The following AKAP6 variants were observed in gnomAD, a reference collection of about 807,000 sequenced individuals.
AKAP6 encodes the protein A-kinase anchoring protein 6, also known as A-kinase anchor protein 6.
A neutral mutation model predicts 188.5 loss-of-function variants in AKAP6; 58 were observed. The ratio of observed to expected loss-of-function variants is 0.31; its 90% CI spans 0.25 to 0.38. The LOEUF is 0.38. Among genes scored for constraint, AKAP6 ranks in the 10% least tolerant of loss-of-function variants. The probability of loss-of-function intolerance (pLI) is 1.00; values close to 1 mark genes in which losing one functional copy is unlikely to be tolerated. For synonymous variants in AKAP6, 989 were observed against 998.6 expected (o/e 0.99, Z 0.18); for missense variants, 2,710 against 2,740.0 (o/e 0.99, Z 0.24).
chr14:32,514,085 TG>T lies in AKAP6; in HGVS notation c.325-21466del, dbSNP rs377126164. ...AAAAGAATCCTGTGAATAAAATTGTTGGGTCAATGGGAGGTAATGGAGCTTT... is the reference window on the plus strand; with the variant it reads ...AAAAGAATCCTGTGAATAAAATTGTTGGTCAATGGGAGGTAATGGAGCTTT... On this transcript the variant is annotated intron_variant, in intron 2 of 13. Coordinates refer to ENST00000280979, the MANE Select transcript of AKAP6 (RefSeq NM_004274.5). Among the ~76,000 whole-genome samples, 300 of 152,338 alleles carry T rather than the reference TG, an allele frequency of 2.0e-3. 2 individuals carry two copies. Among genetic ancestry groups the T allele is most frequent in the African/African-American group, 6.9e-3 (287 of 41,578 alleles).
chr14:32,786,303 T>TTTTTTTTTTG (rs2033409859), intron 12 of AKAP6, among the ~76,000 whole-genome samples: 1 of 73,764 alleles, frequency 1.4e-5, no homozygotes, highest in Admixed American at 1.7e-4. Context: ...TTTATCTTTT[T>TTTTTTTTTTG]TTTTTTTTTT....
intron 7 of AKAP6, 120 bp from the exon 8 acceptor site, chr14:32,678,191 C>T: frequency 9.7e-7 from 1 of 1,030,586 alleles, no homozygotes; most frequent in Non-Finnish European, 1.4e-6. Flanking sequence ...CCATTAAATC[C>T]AACTCGAAAA....
chr14:32,435,181 C>T (rs1042766313), intron 2 of AKAP6, among the ~76,000 whole-genome samples: 2 of 152,122 alleles, frequency 1.3e-5, no homozygotes, highest in Non-Finnish European at 2.9e-5. Context: ...CCTTCTCTGT[C>T]CCCTCCAAGG....
intron 1 of AKAP6, among the ~76,000 whole-genome samples, chr14:32,412,425 CAT>C (rs1207981439): frequency 2.0e-5 from 3 of 152,166 alleles, no homozygotes; most frequent in African/African-American, 7.2e-5. Context: ...AATTACATGA[CAT>C]GTTTCCATGA....
chr14:32,806,207 A>G (rs992571665), intron 12 of AKAP6, among the ~76,000 whole-genome samples: 2 of 152,218 alleles, frequency 1.3e-5, no homozygotes, highest in East Asian at 1.9e-4. Context: ...TTCACACCCA[A>G]AGAATTTGCA....
At chr14:32,524,902 G>A (rs891740586) in intron 2 of AKAP6, among the ~76,000 whole-genome samples, 3 of 152,142 alleles carry the variant, frequency 2.0e-5, no homozygotes, top group African/African-American at 7.2e-5. Context: ...AGGTTCTTTG[G>A]CCCTAGCTGT....
chr14:32,737,087 C>A (rs1413312364), intron 11 of AKAP6, among the ~76,000 whole-genome samples: 1 of 152,124 alleles, frequency 6.6e-6, no homozygotes, highest in Non-Finnish European at 1.5e-5. Flanking sequence ...CTAACCTCTA[C>A]TGCAGGGAGA....
chr14:32,773,998 C>T (rs752380900), intron 12 of AKAP6, 105 bp downstream of exon 12: 283 of 1,264,656 alleles, frequency 2.2e-4, no homozygotes, highest in Non-Finnish European at 2.9e-4. Context: ...GTTTTACTAA[C>T]TAACTTAAAG....
At chr14:32,682,749 T>G (rs963868161) in intron 8 of AKAP6, among the ~76,000 whole-genome samples, 20 of 152,104 alleles carry the variant, frequency 1.3e-4, no homozygotes, top group Non-Finnish European at 2.9e-4. Flanking sequence ...AAAATTTTGA[T>G]TCAGTAGGCA....
chr14:32,689,834 C>T (rs1036959455), intron 8 of AKAP6, among the ~76,000 whole-genome samples: 9 of 151,918 alleles, frequency 5.9e-5, no homozygotes, highest in Admixed American at 4.6e-4. Flanking sequence ...TGTTACCACT[C>T]CTTTACGTGT....
intron 11 of AKAP6, among the ~76,000 whole-genome samples, chr14:32,771,751 T>A (rs552396183): frequency 1.3e-5 from 2 of 152,248 alleles, no homozygotes; most frequent in African/African-American, 2.4e-5. Flanking sequence ...ACAGTTATTA[T>A]GCTAGTTAAC....
At chr14:32,581,826 T>C (rs1566587557) in intron 5 of AKAP6, among the ~76,000 whole-genome samples, 1 of 152,102 alleles carries the variant, frequency 6.6e-6, no homozygotes, top group Non-Finnish European at 1.5e-5. Context: ...TCCCTGCCTT[T>C]TTTTGTTTTC....
chr14:32,547,238 T>C (rs1883240560), intron 4 of AKAP6, among the ~76,000 whole-genome samples: 2 of 152,352 alleles, frequency 1.3e-5, no homozygotes, highest in South Asian at 4.1e-4. Context: ...ATAGAATTCT[T>C]TGTTGAAATT....
At chr14:32,643,862 G>C (rs1190167064) in intron 7 of AKAP6, among the ~76,000 whole-genome samples, 1 of 152,120 alleles carries the variant, frequency 6.6e-6, no homozygotes, top group African/African-American at 2.4e-5. Context: ...ATCTGAGATA[G>C]AAATTAAAAA....
At chr14:32,677,227 C>T (rs940348439) in intron 7 of AKAP6, among the ~76,000 whole-genome samples, 3 of 152,118 alleles carry the variant, frequency 2.0e-5, no homozygotes, top group African/African-American at 4.8e-5. Context: ...TCTCCGTAGT[C>T]GAGGCTATAA....
At chr14:32,367,149 C>T (rs1887862389) in intron 1 of AKAP6, among the ~76,000 whole-genome samples, 1 of 152,202 alleles carries the variant, frequency 6.6e-6, no homozygotes, top group African/African-American at 2.4e-5. Flanking sequence ...AAGAGTCCCA[C>T]CCACTTCTTC....
intron 7 of AKAP6, 56 bp from the exon 8 acceptor site, chr14:32,678,255 T>C (rs1278125591): frequency 6.4e-7 from 1 of 1,555,786 alleles, no homozygotes; most frequent in Non-Finnish European, 8.8e-7. Context: ...TACACCTCAC[T>C]TGAAATGCAT....
Position 32,444,617 on chromosome 14 carries a change from A to G in AKAP6, c.324+10800A>G, listed in dbSNP as rs192108681. Among the ~76,000 whole-genome samples the G allele has an allele frequency of 3.3e-3, 499 of 152,308 alleles. 3 individuals carry two copies. Among genetic ancestry groups the G allele is most frequent in the African/African-American group, 0.01 (433 of 41,574 alleles). On this transcript the variant is annotated intron_variant, in intron 2 of 13. Transcript: ENST00000280979. Reference sequence around the variant, plus strand: ...TCATTAAATGGAGAAGGAATATGTGAAATTCAATATGGGAAGTGATCTGCT... The same window carrying G: ...TCATTAAATGGAGAAGGAATATGTGGAATTCAATATGGGAAGTGATCTGCT...
At chr14:32,400,047 A>G (rs934060836) in intron 1 of AKAP6, among the ~76,000 whole-genome samples, 15 of 152,058 alleles carry the variant, frequency 9.9e-5, no homozygotes, top group Non-Finnish European at 1.9e-4. Context: ...GACATCTGGG[A>G]ATCCATTTTC....
Sources: gnomAD v4.1 joint callset for allele counts (sites outside exome capture counted in the v4.1 genomes callset) on GRCh38, gnomAD v4.1.1 for gene constraint, MANE v1.5 for transcripts, NCBI Gene and HGNC (gene_info 2026-07-23, HGNC 2026-07-21) for gene names.